SMARCC2: variants seen among roughly 807,000 people sequenced by gnomAD.
SMARCC2 encodes SWI/SNF complex subunit SMARCC2.
In SMARCC2, 15 loss-of-function variants were observed where a neutral mutation model predicts 151.3. The ratio of observed to expected loss-of-function variants is 0.10; its 90% CI spans 0.07 to 0.15. SMARCC2 has a LOEUF of 0.15. Ranked by LOEUF, SMARCC2 falls within the 10% of genes least tolerant of loss-of-function variation. SMARCC2 has a pLI of 1.00. For missense variants in SMARCC2, 1,031 were observed against 1,599.7 expected, an observed-to-expected ratio of 0.64 and a Z score of 6.06; for synonymous variants, 590 against 609.5, an observed-to-expected ratio of 0.97 and a Z score of 0.47.
chr12:56,169,286 G>A (rs1307988177), intron 25 of SMARCC2, among the ~76,000 whole-genome samples: 4 of 152,180 alleles, frequency 2.6e-5, no homozygotes, highest in Non-Finnish European at 4.4e-5. Flanking sequence ...GAAGAACATG[G>A]AGATAGTGTG....
chr12:56,188,447 G>C (rs986699205), intron 1 of SMARCC2, among the ~76,000 whole-genome samples: 2 of 152,182 alleles, frequency 1.3e-5, no homozygotes, highest in Non-Finnish European at 2.9e-5. Flanking sequence ...GCCATAAAGA[G>C]AATCCCTCTC....
At chr12:56,172,513 T>C (rs761017544) in intron 19 of SMARCC2, 23 bp from the exon 20 acceptor site, 3 of 1,607,292 alleles carry the variant, frequency 1.9e-6, no homozygotes, top group Non-Finnish European at 2.6e-6. Flanking sequence ...CACAGGCAGG[T>C]GAGAAGAAAG....
Position 56,172,994 on chromosome 12 carries a change from T to G in SMARCC2, c.1686A>C (p.Arg562=), listed in dbSNP as rs770248734. The G allele has an allele frequency of 6.2e-7, 1 of 1,614,110 alleles. No individual in the cohort carries two copies. The highest frequency in any genetic ancestry group is 2.2e-5 in the East Asian group (1 of 44,874). ...RQVDADTKAG[R]KGKELDDLVP... ...CCAGGTCATCCAGCTCTTTGCCCTT[T>G]CGCCCAGCCTTGGTATCAGCATCAA... Residue 562 remains arginine (R), a synonymous_variant, in exon 18 of 29, where the codon CGA becomes CGC. Transcript: ENST00000550164.
Position 56,171,159 on chromosome 12 carries a change from G to A in SMARCC2, c.2347+112C>T, listed in dbSNP as rs374182224. The A allele has an allele frequency of 1.8e-5, 18 of 1,008,130 alleles. No homozygotes were observed. The highest frequency in any genetic ancestry group is 4.9e-5 in the East Asian group (2 of 40,924). 62.4% of individuals were successfully genotyped at this position (1,008,130 alleles called of 1,614,324 possible). On this transcript the variant is annotated intron_variant, in intron 22 of 28. Transcript: ENST00000550164. This position sits in a 1 kb window ranked among gnomAD's most constrained non-coding sequence, Gnocchi z 4.2. ...TGGGGAAAATAAAAACCCTACCAAT[G>A]TTCTCATTCATGTTGTGCTCTAATG... is the stretch of plus-strand genomic sequence containing the variant.
chr12:56,183,797 A>T, intron 7 of SMARCC2, 64 bp downstream of exon 7: 1 of 1,099,712 alleles, frequency 9.1e-7, no homozygotes, highest in Non-Finnish European at 1.4e-6. Flanking sequence ...TTGCTCTGCT[A>T]GATGTCCTAG....
Position 56,163,503 on chromosome 12 carries a change from G to A in SMARCC2, c.*186C>T, listed in dbSNP as rs567856475. ...AAACATCTTTTAAACAGAAGTCCTT[G>A]AATAATCTGATATAAAAATGCATGC... On this transcript the variant is annotated 3_prime_UTR_variant, in exon 29 of 29. Coordinates refer to ENST00000550164, the MANE Select transcript of SMARCC2 (RefSeq NM_001330288.2). The A allele has an allele frequency of 4.7e-6, 2 of 421,580 alleles. No individual in the cohort carries two copies. The highest frequency in any genetic ancestry group is 6.1e-5 in the South Asian group (1 of 16,454). The allele number at this position is 421,580 out of a possible 1,614,324, so 26.1% of individuals were successfully genotyped here. A position where few individuals can be genotyped will look rare whatever the true frequency, so the allele number is the denominator to read the frequency against.
In SMARCC2 at chr12:56,165,358, A is replaced by G; in HGVS notation, c.3192T>C (p.Pro1064=). The part of the protein sequence containing the change: ...QQQQPAGAPQ[P]GAVPPGVPPP... ...GGGGAACCCCTGGTGGGACTGCCCC[A>G]GGCTGGGGGGCTCCAGCTGGTTGCT... The change falls in exon 27 of 29, where the codon CCT becomes CCC. Residue 1064 remains proline (P), a synonymous_variant. Transcript: ENST00000550164. 6.6e-7 allele frequency: 1 copy of G among 1,504,980 alleles called. No individual in the cohort carries two copies. Among genetic ancestry groups the G allele is most frequent in the South Asian group, 1.4e-5 (1 of 73,702 alleles). 93.2% of individuals were successfully genotyped at this position (1,504,980 alleles called of 1,614,324 possible).
At chr12:56,184,615 C>T in intron 5 of SMARCC2, 1 of 554,686 alleles carries the variant, frequency 1.8e-6, no homozygotes, top group Non-Finnish European at 3.2e-6. Context: ...ACTATTTTTC[C>T]CCAGGCCAAC....
At chr12:56,189,140 G>T (rs1877862572) in intron 1 of SMARCC2, among the ~76,000 whole-genome samples, 1 of 149,938 alleles carries the variant, frequency 6.7e-6, no homozygotes, top group African/African-American at 2.5e-5. Flanking sequence ...CGCAGCAGTG[G>T]GGGCGGGGGC....
Position 56,162,439 on chromosome 12 carries a change from C to T in SMARCC2, c.*1250G>A. The T allele has an allele frequency of 1.6e-6, 1 of 621,504 alleles. No individual in the cohort carries two copies. The highest frequency in any genetic ancestry group is 2.8e-6 in the Non-Finnish European group (1 of 354,572). 38.5% of individuals were successfully genotyped at this position (621,504 alleles called of 1,614,324 possible). On this transcript the variant is annotated 3_prime_UTR_variant, in exon 29 of 29. Transcript: ENST00000550164. ...GAGAAAATTTACAGAAAACTTTGAA[C>T]AGAAGAAAGGTGCTAAGACGCAGAG...
At chr12:56,178,325 G>C in intron 14 of SMARCC2, 79 bp downstream of exon 14, 1 of 1,510,910 alleles carries the variant, frequency 6.6e-7, no homozygotes, top group South Asian at 1.1e-5. Flanking sequence ...TTATTTGGAG[G>C]AGGCAGGGAG....
At chr12:56,183,825 C>T (rs779444818) in intron 7 of SMARCC2, 36 bp downstream of exon 7, 1 of 1,519,862 alleles carries the variant, frequency 6.6e-7, no homozygotes, top group African/African-American at 1.4e-5. Flanking sequence ...GGGTCTGGCT[C>T]TTATACTTAA....
In SMARCC2 at chr12:56,181,837, TA is replaced by T. The variant is rs1222138589; in HGVS notation, c.709-3del. 1.2e-6 allele frequency: 2 copies of T among 1,614,018 alleles called. No homozygotes were observed. The highest frequency in any genetic ancestry group is 1.7e-6 in the Non-Finnish European group (2 of 1,180,000). On this transcript the variant is annotated splice_polypyrimidine_tract_variant and splice_region_variant and intron_variant, in intron 8 of 28. Transcript: ENST00000550164. Reference sequence around the variant, plus strand: ...GTCCAGGATCCACTTTGCATGAACCTAAAGTACAAAGGCAGATCATGCTGCA... The same window carrying T: ...GTCCAGGATCCACTTTGCATGAACCTAAGTACAAAGGCAGATCATGCTGCA...
chr12:56,178,447 G>T lies in SMARCC2; in HGVS notation c.1267C>A (p.His423Asn). The T allele has an allele frequency of 6.2e-7, 1 of 1,614,204 alleles. No homozygotes were observed. The highest frequency in any genetic ancestry group is 8.5e-7 in the Non-Finnish European group (1 of 1,180,014). Reference sequence around the variant, plus strand: ...GCAGCGTAGCTGGGAATGATGATGTGGTGGGTCTGTTCAGTCACATTGTCC... The same window carrying T: ...GCAGCGTAGCTGGGAATGATGATGTTGTGGGTCTGTTCAGTCACATTGTCC... ...HEDNVTEQTH[H>N]IIIPSYAAWF... The change falls in exon 14 of 29, where the codon CAC becomes AAC. Residue 423 changes from histidine to asparagine, a missense_variant. Transcript: ENST00000550164.
intron 10 of SMARCC2, 47 bp downstream of exon 10, chr12:56,181,435 A>G (rs762600642): frequency 1.7e-6 from 2 of 1,153,112 alleles, no homozygotes; most frequent in African/African-American, 3.1e-5. Flanking sequence ...CTTCAACATG[A>G]TGTGGAGAGA....
Position 56,182,011 on chromosome 12 carries a change from G to T in SMARCC2, c.701C>A (p.Pro234His), listed in dbSNP as rs752410239. 3 of 1,610,644 alleles carry T rather than the reference G, an allele frequency of 1.9e-6. No individual in the cohort carries two copies. Among genetic ancestry groups the T allele is most frequent in the Non-Finnish European group, 2.5e-6 (3 of 1,177,914 alleles). Residue 234 changes from proline (P) to histidine (H), a missense_variant, in exon 8 of 29, where the codon CCT becomes CAT. By Grantham distance (77) the Pro-to-His change is moderately conservative. This residue lies in a region of SMARCC2 where 123 missense variants were observed against 190.4 expected (regional missense o/e 0.65). Coordinates refer to ENST00000550164, the MANE Select transcript of SMARCC2 (RefSeq NM_001330288.2). ...SVEDAPTPEK[P>H]RKVHAKWILD... Reference sequence around the variant, plus strand: ...GATACAAGAAAAGCTCACCTTCCTAGGTTTCTCAGGAGTTGGAGCATCTTC... The same window carrying T: ...GATACAAGAAAAGCTCACCTTCCTATGTTTCTCAGGAGTTGGAGCATCTTC...
chr12:56,168,770 G>C (rs900314457), intron 25 of SMARCC2, among the ~76,000 whole-genome samples: 62 of 152,244 alleles, frequency 4.1e-4, no homozygotes, highest in African/African-American at 1.5e-3. Context: ...CTTGAGTCCA[G>C]GAGTTTGAGA....
intron 26 of SMARCC2, among the ~76,000 whole-genome samples, chr12:56,167,410 C>T (rs1007832894): frequency 6.6e-6 from 1 of 151,932 alleles, no homozygotes; most frequent in African/African-American, 2.4e-5. Flanking sequence ...ACTATGTTAC[C>T]CAGGCTGGTC....
intron 18 of SMARCC2, 82 bp from the exon 19 acceptor site, chr12:56,172,786 G>A (rs1267051645): frequency 2.5e-6 from 4 of 1,597,384 alleles, no homozygotes; most frequent in East Asian, 2.2e-5. Flanking sequence ...ACAGACAGAA[G>A]GAGCTTCTTT....
Sources: gnomAD v4.1 joint callset for allele counts (sites outside exome capture counted in the v4.1 genomes callset) on GRCh38, gnomAD v4.1.1 for gene constraint, gnomAD v4.1.1 regional missense constraint, Gnocchi (gnomAD v3.1) non-coding constraint, MANE v1.5 for transcripts, NCBI Gene and HGNC (gene_info 2026-07-23, HGNC 2026-07-21) for gene names.